GGT7: variants seen among roughly 807,000 people sequenced by gnomAD.
GGT7 encodes glutathione hydrolase 7.
GGT7 carries 30 observed loss-of-function variants against 69.2 expected under a neutral mutation model. The ratio of observed to expected loss-of-function variants is 0.43; its 90% CI spans 0.32 to 0.59. GGT7 has a LOEUF of 0.59. Among genes scored for constraint, GGT7 ranks in the 20% least tolerant of loss-of-function variants. The pLI is 0.05. For synonymous variants in GGT7, 388 were observed against 391.8 expected (o/e 0.99, Z 0.12); for missense variants, 733 against 901.1 (o/e 0.81, Z 2.39).
intron 8 of GGT7, among the ~76,000 whole-genome samples, chr20:34,855,789 C>CTA (rs543097272): frequency 6.9e-6 from 1 of 144,060 alleles, no homozygotes; most frequent in African/African-American, 2.6e-5. Flanking sequence ...TTTTTCTTTT[C>CTA]TGTGTGTGTG....
chr20:34,870,651 T>C (rs2079763414), intron 1 of GGT7, among the ~76,000 whole-genome samples: 1 of 151,764 alleles, frequency 6.6e-6, no homozygotes, highest in Admixed American at 6.6e-5. Flanking sequence ...TTTGTATTTT[T>C]AGTAGAGATG....
chr20:34,852,107 T>C (rs370270142), intron 12 of GGT7, 48 bp downstream of exon 12: 452 of 1,113,430 alleles, frequency 4.1e-4, no homozygotes, highest in Non-Finnish European at 6.0e-4. Context: ...TTGCACCTCC[T>C]ACCTATAGGC....
chr20:34,847,846 C>T (rs1008899510), intron 14 of GGT7, among the ~76,000 whole-genome samples: 1 of 152,226 alleles, frequency 6.6e-6, no homozygotes, highest in African/African-American at 2.4e-5. Context: ...AAATCCAGCA[C>T]TTCGGGAGGC....
intron 10 of GGT7, 35 bp downstream of exon 10, chr20:34,854,496 G>T: frequency 2.3e-6 from 3 of 1,304,536 alleles, no homozygotes; most frequent in Non-Finnish European, 3.3e-6. Flanking sequence ...ACCCACCGCT[G>T]CCTCTGTAGC....
At chr20:34,868,065 G>A (rs940901157) in intron 1 of GGT7, among the ~76,000 whole-genome samples, 12 of 152,284 alleles carry the variant, frequency 7.9e-5, no homozygotes, top group Admixed American at 5.9e-4. Context: ...GCTTCACCAT[G>A]TTGGCCATGA....
rs764421000 is a variant in GGT7, at chr20:34,863,764, G to T, written c.170-216C>A. 16 of 711,314 alleles carry T rather than the reference G, an allele frequency of 2.2e-5. No homozygotes were observed. Among genetic ancestry groups the T allele is most frequent in the South Asian group, 2.2e-4 (15 of 66,700 alleles). 44.1% of individuals were successfully genotyped at this position (711,314 alleles called of 1,614,324 possible). On this transcript the variant is annotated intron_variant, in intron 1 of 14. Coordinates refer to ENST00000336431, the MANE Select transcript of GGT7 (RefSeq NM_178026.3). The surrounding 1 kb of genome is among the most constrained non-coding windows in gnomAD (Gnocchi z 4.4). ...AGACAGGGACCTCCCCAGCTGGGCAGCAGGGAGGCTGGATTCCCGCCCCTC... is the reference window on the plus strand; with the variant it reads ...AGACAGGGACCTCCCCAGCTGGGCATCAGGGAGGCTGGATTCCCGCCCCTC...
intron 1 of GGT7, among the ~76,000 whole-genome samples, chr20:34,871,134 G>A (rs776483268): frequency 1.6e-4 from 25 of 152,192 alleles, no homozygotes; most frequent in Admixed American, 3.9e-4. Context: ...TGCCCTCATG[G>A]GGCTTACAGA....
intron 7 of GGT7, among the ~76,000 whole-genome samples, chr20:34,857,303 A>G (rs1245603508): frequency 1.3e-5 from 2 of 152,196 alleles, no homozygotes; most frequent in East Asian, 3.8e-4. Flanking sequence ...CCTATGTAAA[A>G]GGAAGGTTTT....
rs573361809 is a variant in GGT7, at chr20:34,860,182, G to C, written c.743+72C>G. ...GGGGAGTTGGGAAAGGAAGAATCCA[G>C]GGAAGTAGGAGAAGGCCACCCAAGG... On this transcript the variant is annotated intron_variant, in intron 5 of 14. Transcript: ENST00000336431. The C allele has an allele frequency of 4.8e-4, 566 of 1,174,366 alleles. 4 individuals carry two copies. In the African/African-American group the frequency reaches 8.0e-3, roughly 17 times the overall value. 72.7% of individuals were successfully genotyped at this position (1,174,366 alleles called of 1,614,324 possible).
At position 34,851,420 on chromosome 20, in the gene GGT7, G is replaced by A. The variant is rs371365087; in HGVS notation, c.1588-52C>T. On this transcript the variant is annotated intron_variant, in intron 12 of 14. Coordinates refer to ENST00000336431, the MANE Select transcript of GGT7 (RefSeq NM_178026.3). ...GGGGCAGGTGGGGTGGGACAAGACCGGGAAAGGGCCCCTCCACAACCCTTC... is the reference window on the plus strand; with the variant it reads ...GGGGCAGGTGGGGTGGGACAAGACCAGGAAAGGGCCCCTCCACAACCCTTC... The A allele has an allele frequency of 3.1e-4, 480 of 1,550,050 alleles. 4 individuals are homozygous for A. The African/African-American group carries it at 5.2e-3, about 17-fold the overall frequency.
rs1226945748 is a variant in GGT7, at chr20:34,872,638, G to T, written c.169+9C>A. The T allele has an allele frequency of 4.1e-6, 6 of 1,451,352 alleles. No homozygotes were observed. The African/African-American group carries it at 7.4e-5, about 18-fold the overall frequency. 89.9% of individuals were successfully genotyped at this position (1,451,352 alleles called of 1,614,324 possible). On this transcript the variant is annotated intron_variant, in intron 1 of 14. Coordinates refer to ENST00000336431, the MANE Select transcript of GGT7 (RefSeq NM_178026.3). ...AAGGCAGGGCAGGGACGGGGTCAGCGGGCCTCACCGGTGTCGGGGTCTCCC... is the reference window on the plus strand; with the variant it reads ...AAGGCAGGGCAGGGACGGGGTCAGCTGGCCTCACCGGTGTCGGGGTCTCCC...
In GGT7 at chr20:34,872,637, C is replaced by A; in HGVS notation, c.169+10G>T. 2.1e-6 allele frequency: 3 copies of A among 1,448,424 alleles called. No individual in the cohort carries two copies. Among genetic ancestry groups the A allele is most frequent in the East Asian group, 2.8e-5 (1 of 35,750 alleles). 89.7% of individuals were successfully genotyped at this position (1,448,424 alleles called of 1,614,324 possible). A position where few individuals can be genotyped will look rare whatever the true frequency, so the allele number is the denominator to read the frequency against. ...CAAGGCAGGGCAGGGACGGGGTCAG[C>A]GGGCCTCACCGGTGTCGGGGTCTCC... is the stretch of plus-strand genomic sequence containing the variant. On this transcript the variant is annotated intron_variant, in intron 1 of 14. Coordinates refer to ENST00000336431, the MANE Select transcript of GGT7 (RefSeq NM_178026.3).
chr20:34,871,615 T>C (rs2079779675), intron 1 of GGT7, among the ~76,000 whole-genome samples: 1 of 151,838 alleles, frequency 6.6e-6, no homozygotes, highest in Non-Finnish European at 1.5e-5. Context: ...GACCAGAAAG[T>C]GTAGAGGAGG....
intron 13 of GGT7, 105 bp from the exon 14 acceptor site, chr20:34,850,165 T>A (rs377508601): frequency 1.2e-4 from 102 of 834,082 alleles, no homozygotes; most frequent in Non-Finnish European, 2.0e-4. Flanking sequence ...TGAGAATTCT[T>A]ACACCGGGTG....
chr20:34,870,763 C>A (rs961580365), intron 1 of GGT7, among the ~76,000 whole-genome samples: 3 of 150,664 alleles, frequency 2.0e-5, no homozygotes, highest in Non-Finnish European at 4.4e-5. Flanking sequence ...TGAGCCACCA[C>A]ACCGGCCAGT....
Position 34,852,188 on chromosome 20 carries a change from G to A in GGT7, c.1554C>T (p.Pro518=), listed in dbSNP as rs1466443419. ...LNSQMLDFSW[P]NRTANHSAPS... is the part of the protein sequence containing the mutation. ...GTGCAGAGTGGTTAGCTGTCCGGTT[G>A]GGCCAGGAGAAGTCCAGCATCTGGC... The change falls in exon 12 of 15, where the codon CCC becomes CCT. Residue 518 remains proline, a synonymous_variant. Transcript: ENST00000336431. The A allele has an allele frequency of 6.2e-7, 1 of 1,613,278 alleles. No homozygotes were observed. Among genetic ancestry groups the A allele is most frequent in the East Asian group, 2.2e-5 (1 of 44,878 alleles).
chr20:34,863,614 G>C lies in GGT7; in HGVS notation c.170-66C>G. 9.3e-7 allele frequency: 1 copy of C among 1,078,190 alleles called. No individual in the cohort carries two copies. The highest frequency in any genetic ancestry group is 1.4e-6 in the Non-Finnish European group (1 of 715,820). The allele number at this position is 1,078,190 out of a possible 1,614,324, so 66.8% of individuals were successfully genotyped here. ...CTGGCCCTGCCCACCCTCCAGGTGG[G>C]ACTATTCAGCGCTTTCCCTGCCCCG... On this transcript the variant is annotated intron_variant, in intron 1 of 14. Transcript: ENST00000336431. The surrounding 1 kb of genome is among the most constrained non-coding windows in gnomAD (Gnocchi z 4.4).
intron 4 of GGT7, among the ~76,000 whole-genome samples, chr20:34,861,213 T>C (rs1568939407): frequency 6.6e-6 from 1 of 152,170 alleles, no homozygotes; most frequent in Non-Finnish European, 1.5e-5. Context: ...GTAGCCTTTT[T>C]TCTTCCTTCC....
chr20:34,872,559 G>T, intron 1 of GGT7, 88 bp downstream of exon 1: 1 of 856,576 alleles, frequency 1.2e-6, no homozygotes, highest in South Asian at 2.5e-5. Context: ...GAATTAAGGA[G>T]ATGGAGCTGG....
Sources: gnomAD v4.1 joint callset for allele counts (sites outside exome capture counted in the v4.1 genomes callset) on GRCh38, gnomAD v4.1.1 for gene constraint, Gnocchi (gnomAD v3.1) non-coding constraint, MANE v1.5 for transcripts, NCBI Gene and HGNC (gene_info 2026-07-23, HGNC 2026-07-21) for gene names.